PUDP: variants seen among roughly 807,000 people sequenced by gnomAD.
The protein encoded by PUDP is pseudouridine 5'-phosphatase, also known as pseudouridine-5'-phosphatase.
A neutral mutation model predicts 9.4 loss-of-function variants in PUDP; 8 were observed. That is an observed-to-expected ratio of 0.85 (90% CI 0.50 to 1.53). PUDP has a LOEUF of 1.53. Among genes scored for constraint, PUDP ranks in the 40% most tolerant of loss-of-function variants. The pLI, the probability that PUDP is intolerant of heterozygous loss-of-function variation, is 0.00. For synonymous variants in PUDP, 99 were observed against 80.7 expected (o/e 1.23, Z -1.22); for missense variants, 188 against 189.7 (o/e 0.99, Z 0.05).
intron 3 of PUDP, among the ~76,000 whole-genome samples, chrX:6,852,719 C>T (rs1209412748): frequency 9.0e-6 from 1 of 111,451 alleles, no homozygotes; most frequent in Non-Finnish European, 1.9e-5. Context: ...AATAAAGAGA[C>T]TAATATATTT....
intron 1 of PUDP, among the ~76,000 whole-genome samples, chrX:7,111,634 C>G (rs1932053746): frequency 9.0e-6 from 1 of 111,325 alleles, no homozygotes; most frequent in South Asian, 3.8e-4. Flanking sequence ...ACTCTGGAAG[C>G]TAGCAGCCTT....
At chrX:6,850,407 A>T (rs755567338) in intron 3 of PUDP, among the ~76,000 whole-genome samples, 2 of 112,460 alleles carry the variant, frequency 1.8e-5, no homozygotes, top group South Asian at 7.3e-4. Flanking sequence ...ACGTCCTAGG[A>T]TAAAGAATTA....
chrX:7,047,062 G>C (rs1282221776), downstream of PUDP, among the ~76,000 whole-genome samples: 1 of 112,053 alleles, frequency 8.9e-6, no homozygotes, highest in African/African-American at 3.2e-5. Flanking sequence ...GGGAACCAAG[G>C]AAAGGGAGGC....
intron 3 of PUDP, among the ~76,000 whole-genome samples, chrX:6,820,929 C>T (rs918854851): frequency 1.8e-5 from 2 of 111,968 alleles, no homozygotes; most frequent in African/African-American, 6.5e-5. Flanking sequence ...GCTCCTACCC[C>T]ACATTTGCCT....
chrX:6,910,392 A>C (rs1407025223), intron 3 of PUDP, among the ~76,000 whole-genome samples: 1 of 111,919 alleles, frequency 8.9e-6, no homozygotes, highest in Non-Finnish European at 1.9e-5. Context: ...GCTTTTGAAA[A>C]AGTTGAGTAC....
intron 1 of PUDP, among the ~76,000 whole-genome samples, chrX:7,040,300 C>T (rs769470714): frequency 9.0e-6 from 1 of 111,644 alleles, no homozygotes; most frequent in Non-Finnish European, 1.9e-5. Flanking sequence ...TGTGCCTACC[C>T]GGAGCTGGGG....
At chrX:6,930,905 G>A (rs753546689) in intron 3 of PUDP, among the ~76,000 whole-genome samples, 1 of 108,993 alleles carries the variant, frequency 9.2e-6, no homozygotes, top group East Asian at 2.9e-4. Flanking sequence ...TAACAAAATA[G>A]AGGGCACCCA....
intron 1 of PUDP, among the ~76,000 whole-genome samples, chrX:7,002,936 A>T (rs1258932271): frequency 1.8e-5 from 2 of 109,848 alleles, no homozygotes; most frequent in Non-Finnish European, 3.8e-5. Flanking sequence ...AAAGGAGGCA[A>T]CCTCTGCCCT....
intron 3 of PUDP, among the ~76,000 whole-genome samples, chrX:6,821,687 T>A (rs760857339): frequency 1.7e-4 from 19 of 112,132 alleles, no homozygotes; most frequent in Non-Finnish European, 3.8e-5. Context: ...ACATAATTTC[T>A]TTTCTCACAA....
chrX:6,890,293 A>G (rs1927493411), intron 3 of PUDP, among the ~76,000 whole-genome samples: 1 of 112,077 alleles, frequency 8.9e-6, no homozygotes, highest in Admixed American at 9.5e-5. Context: ...CTGGACATTT[A>G]GAATTTAGCC....
intron 3 of PUDP, among the ~76,000 whole-genome samples, chrX:6,798,383 A>G (rs778081843): frequency 9.0e-4 from 101 of 112,123 alleles, no homozygotes; most frequent in Admixed American, 1.7e-3. Flanking sequence ...ATTACAATTC[A>G]AGGTGAGATT....
At chrX:6,844,662 A>G (rs1926717722) in intron 3 of PUDP, among the ~76,000 whole-genome samples, 2 of 112,338 alleles carry the variant, frequency 1.8e-5, no homozygotes, top group Non-Finnish European at 3.7e-5. Context: ...AAACACAGAT[A>G]TAGATATGGA....
At chrX:6,903,635 A>G (rs1230020807) in intron 3 of PUDP, among the ~76,000 whole-genome samples, 2 of 111,588 alleles carry the variant, frequency 1.8e-5, no homozygotes, top group African/African-American at 3.3e-5. Flanking sequence ...CACGTCCTTT[A>G]CGGCAACATG....
intron 3 of PUDP, among the ~76,000 whole-genome samples, chrX:6,951,112 G>T (rs780846588): frequency 3.6e-5 from 4 of 111,412 alleles, no homozygotes; most frequent in Middle Eastern, 4.6e-3. Flanking sequence ...CTCCACAACT[G>T]CATGAACCCA....
downstream of PUDP, among the ~76,000 whole-genome samples, chrX:7,046,216 G>A (rs182980458): frequency 9.8e-5 from 11 of 112,267 alleles, no homozygotes; most frequent in African/African-American, 3.2e-4. Context: ...GACCTGTAAG[G>A]AGGTAATTAA....
At chrX:7,008,660 A>T (rs1169280762) in intron 1 of PUDP, among the ~76,000 whole-genome samples, 2 of 112,031 alleles carry the variant, frequency 1.8e-5, no homozygotes, top group Non-Finnish European at 3.8e-5. Flanking sequence ...TTCAAATGGC[A>T]TTTTCTCTTT....
chrX:7,012,338 C>T (rs1272185436), intron 1 of PUDP, among the ~76,000 whole-genome samples: 2 of 112,253 alleles, frequency 1.8e-5, no homozygotes, highest in African/African-American at 6.5e-5. Context: ...GAGATTTTAT[C>T]TTTGGAAACT....
intron 3 of PUDP, among the ~76,000 whole-genome samples, chrX:6,867,368 C>T (rs1397130927): frequency 8.9e-6 from 1 of 111,898 alleles, no homozygotes; most frequent in Non-Finnish European, 1.9e-5. Flanking sequence ...ATACAGCACC[C>T]TCACTTTCAT....
chrX:7,074,928 G>A lies in PUDP; in HGVS notation c.510+2292C>T, dbSNP rs777149885. 1.5e-4 allele frequency among the ~76,000 whole-genome samples: 17 copies of A among 112,352 alleles called. No individual in the cohort carries two copies. In the South Asian group the frequency reaches 6.4e-3, roughly 42 times the overall value. On this transcript the variant is annotated intron_variant, in intron 3 of 3. Transcript: ENST00000381077. Reference sequence around the variant, plus strand: ...GCACGTCCCACGTTAAGCAATTGCAGTCAAGTTGAATTCAATAATGAGACT... The same window carrying A: ...GCACGTCCCACGTTAAGCAATTGCAATCAAGTTGAATTCAATAATGAGACT...
Sources: allele counts gnomAD v4.1 joint callset (sites outside exome capture counted in the v4.1 genomes callset), GRCh38; gene constraint gnomAD v4.1.1; transcripts MANE v1.5; gene names NCBI Gene and HGNC (gene_info 2026-07-23, HGNC 2026-07-21).